The following DEAF1 variants were observed in gnomAD, a reference collection of about 807,000 sequenced individuals.
DEAF1 encodes deformed epidermal autoregulatory factor 1 homolog.
DEAF1 carries 53 observed loss-of-function variants against 58.9 expected under a neutral mutation model. The ratio of observed to expected loss-of-function variants is 0.90; its 90% confidence interval spans 0.72 to 1.13. The LOEUF is 1.13. Among genes scored for constraint, DEAF1 ranks in the 50% most tolerant of loss-of-function variants. The pLI is 0.00. For synonymous variants in DEAF1, 385 were observed against 340.4 expected, an observed-to-expected ratio of 1.13 and a Z score of -1.44; for missense variants, 685 against 791.4, an observed-to-expected ratio of 0.87 and a Z score of 1.61.
At chr11:665,419 A>G (rs1589987373) in intron 10 of DEAF1, among the ~76,000 whole-genome samples, 1 of 152,232 alleles carries the variant, frequency 6.6e-6, no homozygotes, top group South Asian at 2.1e-4. Context: ...AAGGGAACAC[A>G]TCGCTTCTAA....
At chr11:665,725 T>C (rs757201935) in intron 10 of DEAF1, among the ~76,000 whole-genome samples, 1 of 152,110 alleles carries the variant, frequency 6.6e-6, no homozygotes, top group African/African-American at 2.4e-5. Flanking sequence ...CCAGGTGACA[T>C]AGCAGGGACA....
chr11:671,838 A>C (rs1413262155), intron 10 of DEAF1, among the ~76,000 whole-genome samples: 1 of 129,668 alleles, frequency 7.7e-6, no homozygotes, highest in African/African-American at 2.9e-5. Context: ...AAAAAAAAAA[A>C]AAAAAAAAAA....
chr11:692,966 CCA>C (rs1257923411), intron 1 of DEAF1, among the ~76,000 whole-genome samples: 1 of 152,224 alleles, frequency 6.6e-6, no homozygotes. Context: ...CGGCGCGCGG[CCA>C]CAGTGAGTGC....
chr11:704,684 G>A (rs904518973), intron 1 of DEAF1: 1 of 1,278,226 alleles, frequency 7.8e-7, no homozygotes, highest in African/African-American at 1.5e-5. Context: ...AGCACACAAA[G>A]GCAGTGGTCA....
intron 9 of DEAF1, 98 bp downstream of exon 9, chr11:678,596 A>T: frequency 2.5e-6 from 4 of 1,587,574 alleles, no homozygotes; most frequent in Non-Finnish European, 3.5e-6. Flanking sequence ...AAAACAACAA[A>T]CCAAACCAAA....
intron 11 of DEAF1, among the ~76,000 whole-genome samples, chr11:653,175 G>A (rs546117907): frequency 6.0e-4 from 90 of 150,570 alleles, no homozygotes; most frequent in Middle Eastern, 6.9e-3. Flanking sequence ...CTGAACTACC[G>A]TTTGTAGCCT....
intron 10 of DEAF1, among the ~76,000 whole-genome samples, chr11:662,281 T>G (rs867990742): frequency 3.7e-4 from 57 of 152,238 alleles, no homozygotes; most frequent in Middle Eastern, 6.8e-3. Flanking sequence ...AGATTCCGTC[T>G]CATAAAACAA....
intron 10 of DEAF1, among the ~76,000 whole-genome samples, chr11:669,544 G>A (rs1040138754): frequency 6.6e-6 from 1 of 151,968 alleles, no homozygotes; most frequent in Non-Finnish European, 1.5e-5. Flanking sequence ...GCTGAAGCAG[G>A]AGACTCTCTT....
At position 688,539 on chromosome 11, in the gene DEAF1, C is replaced by G. The variant is rs996149077; in HGVS notation, c.388-79G>C. The G allele has an allele frequency of 1.5e-5, 24 of 1,580,194 alleles. No individual in the cohort carries two copies. In the African/African-American group the frequency reaches 2.6e-4, roughly 17 times the overall value. The stretch of plus-strand genomic sequence containing the variant: ...TCACTGAGCCCAGCTGGGCCGTCCT[C>G]CAGCAGGGCTCTCTGGCTGTTCTCA... On this transcript the variant is annotated intron_variant, in intron 2 of 11. Transcript: ENST00000382409. The surrounding 1 kb of genome is among the most constrained non-coding windows in gnomAD (Gnocchi z 4.3).
chr11:702,001 C>T (rs914826168), intron 1 of DEAF1, among the ~76,000 whole-genome samples: 3 of 152,200 alleles, frequency 2.0e-5, no homozygotes, highest in Non-Finnish European at 4.4e-5. Context: ...ATTGTCCTGC[C>T]GTGGGGAACG....
chr11:660,295 A>G (rs1382620201), intron 10 of DEAF1, among the ~76,000 whole-genome samples: 1 of 152,246 alleles, frequency 6.6e-6, no homozygotes, highest in Non-Finnish European at 1.5e-5. Flanking sequence ...TTTCTATGAA[A>G]TGACCATGAT....
chr11:684,482 G>A (rs1860501714), intron 6 of DEAF1, among the ~76,000 whole-genome samples: 2 of 151,442 alleles, frequency 1.3e-5, no homozygotes, highest in South Asian at 2.1e-4. Context: ...TTTAGAATAA[G>A]GAAATACGTC....
At chr11:660,681 G>C (rs1213034428) in intron 10 of DEAF1, among the ~76,000 whole-genome samples, 1 of 152,240 alleles carries the variant, frequency 6.6e-6, no homozygotes, top group African/African-American at 2.4e-5. Flanking sequence ...GGTCCAGTCC[G>C]GCTCTGGAAT....
At chr11:679,035 G>A (rs1212212803) in intron 8 of DEAF1, among the ~76,000 whole-genome samples, 3 of 152,130 alleles carry the variant, frequency 2.0e-5, no homozygotes, top group African/African-American at 4.8e-5. Flanking sequence ...AAATCAGGCC[G>A]GGCGCGGTGG....
intron 10 of DEAF1, among the ~76,000 whole-genome samples, chr11:667,337 AAGG>A (rs1345453524): frequency 7.6e-6 from 1 of 131,116 alleles, no homozygotes; most frequent in African/African-American, 3.1e-5. Context: ...AAGAAAAAAG[AAGG>A]AAGGAAGGGA....
At position 667,355 on chromosome 11, in the gene DEAF1, TGGAG is replaced by T. The variant is rs368696647; in HGVS notation, c.1503+7177_1503+7180del. On this transcript the variant is annotated intron_variant, in intron 10 of 11. Coordinates refer to ENST00000382409, the MANE Select transcript of DEAF1 (RefSeq NM_021008.4). ...AAAAAAGAAGGAAGGAAGGGAGGGA[TGGAG>T]GGAGGGAGGGAGGAAGGAAGGAAGG... is the stretch of plus-strand genomic sequence containing the variant. 4.5e-3 allele frequency among the ~76,000 whole-genome samples: 423 copies of T among 94,928 alleles called. 4 individuals carry two copies. Among genetic ancestry groups the T allele is most frequent in the African/African-American group, 8.8e-3 (234 of 26,498 alleles). The allele number at this position is 94,928 out of a possible 152,430, so 62.3% of individuals were successfully genotyped here. A position where few individuals can be genotyped will look rare whatever the true frequency, so the allele number is the denominator to read the frequency against.
chr11:678,494 A>G, intron 9 of DEAF1, 200 bp downstream of exon 9: 1 of 714,942 alleles, frequency 1.4e-6, no homozygotes. Context: ...CAGCACACAC[A>G]TGAATGGACG....
Position 673,534 on chromosome 11 carries a change from A to G in DEAF1, c.1503+1002T>C, listed in dbSNP as rs187403386. On this transcript the variant is annotated intron_variant, in intron 10 of 11. Transcript: ENST00000382409. The stretch of plus-strand genomic sequence containing the variant: ...CAGAGTGACAGCCTGTTCCACAAAT[A>G]AAAATAAAAATAGAAAGTAGAAAAG... 9.1e-4 allele frequency among the ~76,000 whole-genome samples: 138 copies of G among 152,192 alleles called. 1 individual carries two copies. The highest frequency in any genetic ancestry group is 7.5e-3 in the Admixed American group (115 of 15,282).
intron 10 of DEAF1, among the ~76,000 whole-genome samples, chr11:657,182 C>T (rs1245017428): frequency 6.6e-6 from 1 of 152,088 alleles, no homozygotes; most frequent in Non-Finnish European, 1.5e-5. Flanking sequence ...GGGCTCCCTG[C>T]CTGGCACCCA....
Sources: gnomAD v4.1 joint callset for allele counts (sites outside exome capture counted in the v4.1 genomes callset) on GRCh38, gnomAD v4.1.1 for gene constraint, Gnocchi (gnomAD v3.1) non-coding constraint, MANE v1.5 for transcripts, NCBI Gene and HGNC (gene_info 2026-07-23, HGNC 2026-07-21) for gene names.